Variants in INF2 observed in about 807,000 individuals in gnomAD.
INF2 encodes the protein inverted formin 2, also known as inverted formin-2.
A neutral mutation model predicts 123.5 loss-of-function variants in INF2; 43 were observed. The observed-to-expected ratio is 0.35, with a 90% CI of 0.27 to 0.45. INF2 has a LOEUF of 0.45. Ranked by LOEUF, INF2 falls within the 20% of genes least tolerant of loss-of-function variation. INF2 has a pLI of 1.00. For synonymous variants in INF2, 851 were observed against 745.0 expected, an observed-to-expected ratio of 1.14 and a Z score of -2.32; for missense variants, 1,453 against 1,682.7, an observed-to-expected ratio of 0.86 and a Z score of 2.39.
chr14:104,687,588 T>C (rs1255949326), upstream of INF2, among the ~76,000 whole-genome samples: 1 of 151,990 alleles, frequency 6.6e-6, no homozygotes, highest in African/African-American at 2.4e-5. This position sits in a 1 kb window ranked among gnomAD's most constrained non-coding sequence, Gnocchi z 5.6. Context: ...TAAATCACAT[T>C]CACCCCACCT....
At chr14:104,715,868 A>G (rs1319373013) in intron 22 of INF2, 1 of 457,574 alleles carries the variant, frequency 2.2e-6, no homozygotes, top group Admixed American at 2.3e-5. Flanking sequence ...TCGCAAGGGC[A>G]GATGCTGCCA....
At position 104,708,531 on chromosome 14, in the gene INF2, G is replaced by A; in HGVS notation, c.1831G>A (p.Ala611Thr). ...CGAGCGACTATTCTCCTTCCCTGCA[G>A]CCAAGCCCAAGGAGCCCACCATGGT... ...SIERLFSFPA[A>T]KPKEPTMVAP... Residue 611 changes from alanine (A) to threonine (T), a missense_variant, in exon 9 of 23, where the codon GCC (alanine) becomes ACC (threonine). By Grantham distance (58) the Ala-to-Thr change is moderately conservative (BLOSUM62 0). Transcript: ENST00000392634. 1 of 1,612,392 alleles carries A rather than the reference G, an allele frequency of 6.2e-7. No individual in the cohort carries two copies. Among genetic ancestry groups the A allele is most frequent in the Non-Finnish European group, 8.5e-7 (1 of 1,179,792 alleles).
rs370680236 is a variant in INF2 at position 104,706,951 on chromosome 14, G to A, written c.885G>A (p.Leu295=). ...TGTCTGCCCAGCTCCTGTCGGTGCT[G>A]CAGGGCCTCCTGCACCTGGAGCCCA... ...SPVSAQLLSV[L]QGLLHLEPTL... The change falls in exon 7 of 23, where the codon CTG becomes CTA. Residue 295 remains leucine (L), a synonymous_variant. Coordinates refer to ENST00000392634, the MANE Select transcript of INF2 (RefSeq NM_022489.4). The A allele has an allele frequency of 9.9e-5, 159 of 1,602,964 alleles. No homozygotes were observed. The highest frequency in any genetic ancestry group is 1.3e-4 in the Non-Finnish European group (153 of 1,179,308).
chr14:104,683,650 T>C (rs1280914470), intron 1 of INF2, among the ~76,000 whole-genome samples: 1 of 124,132 alleles, frequency 8.1e-6, no homozygotes. Flanking sequence ...ACACACAAAT[T>C]ACCTCCGGAG....
chr14:104,712,641 A>G, intron 17 of INF2, 88 bp downstream of exon 17: 6 of 1,590,312 alleles, frequency 3.8e-6, no homozygotes, highest in Non-Finnish European at 5.2e-6. Flanking sequence ...TCCTGGCTCC[A>G]GGGTGGATCC....
In INF2 at chr14:104,720,147, C is replaced by T. The variant is rs1890495349; in HGVS notation, c.*1354C>T. The T allele has an allele frequency of 6.5e-6, 1 of 154,894 alleles. No individual in the cohort carries two copies. The highest frequency in any genetic ancestry group is 1.4e-5 in the Non-Finnish European group (1 of 69,852). 9.6% of individuals were successfully genotyped at this position (154,894 alleles called of 1,614,324 possible). On this transcript the variant is annotated 3_prime_UTR_variant, in exon 23 of 23. Transcript: ENST00000392634. ...TCCAGATGTCATGCATGTCTCCTGGCTTCCTTCGGCTGTTTTCACGCGCCA... is the reference window on the plus strand; with the variant it reads ...TCCAGATGTCATGCATGTCTCCTGGTTTCCTTCGGCTGTTTTCACGCGCCA...
chr14:104,716,714 G>A (rs948415403), intron 22 of INF2, among the ~76,000 whole-genome samples: 12 of 151,954 alleles, frequency 7.9e-5, no homozygotes, highest in Non-Finnish European at 1.2e-4. Flanking sequence ...TTTTCAAGAC[G>A]GAGTCTCACT....
At chr14:104,693,904 C>T (rs1889068319) in intron 1 of INF2, among the ~76,000 whole-genome samples, 1 of 152,232 alleles carries the variant, frequency 6.6e-6, no homozygotes, top group Non-Finnish European at 1.5e-5. Context: ...CGCCTGCACC[C>T]AGCCTACGCT....
exon 1 of INF2, chr14:104,681,229 T>G: frequency 3.0e-6 from 1 of 335,252 alleles, no homozygotes; most frequent in Non-Finnish European, 5.9e-6. Context: ...AAAGCAGGGG[T>G]AGGGAAGGGC....
At chr14:104,686,162 AGATG>A (rs1368482853), upstream of INF2, among the ~76,000 whole-genome samples, 1 of 137,028 alleles carries the variant, frequency 7.3e-6, no homozygotes, top group Non-Finnish European at 1.6e-5. Flanking sequence ...AGGGATGGGC[AGATG>A]GATGGATGAG....
chr14:104,710,642 C>T lies in INF2; in HGVS notation c.2240-295C>T, dbSNP rs537156750. On this transcript the variant is annotated intron_variant, in intron 13 of 22. Coordinates refer to ENST00000392634, the MANE Select transcript of INF2 (RefSeq NM_022489.4). ...AGACATAAGTGCACACACACGGGCA[C>T]CATCTCTGAAAGGGGAATCCATGGG... 5.5e-6 allele frequency: 3 copies of T among 543,574 alleles called. No individual in the cohort carries two copies. In the African/African-American group the frequency reaches 5.7e-5, roughly 10 times the overall value. The allele number at this position is 543,574 out of a possible 1,614,324, so 33.7% of individuals were successfully genotyped here.
intron 10 of INF2, among the ~76,000 whole-genome samples, chr14:104,708,962 T>C (rs1346817975): frequency 2.6e-5 from 4 of 152,174 alleles, no homozygotes; most frequent in African/African-American, 9.7e-5. Flanking sequence ...AGACAAGTAG[T>C]GGCTAAACCA....
chr14:104,718,849 G>T lies in INF2; in HGVS notation c.*56G>T. ...GAGAGCCCAGGCCACAGGACATGCT[G>T]CCATTCTGCCAAGAGAGGCTCTTCT... On this transcript the variant is annotated 3_prime_UTR_variant, in exon 23 of 23. Transcript: ENST00000392634. 6.2e-7 allele frequency: 1 copy of T among 1,609,486 alleles called. No homozygotes were observed. Among genetic ancestry groups the T allele is most frequent in the Non-Finnish European group, 8.5e-7 (1 of 1,178,624 alleles).
chr14:104,702,639 G>A (rs1889583151), intron 2 of INF2, among the ~76,000 whole-genome samples: 1 of 152,226 alleles, frequency 6.6e-6, no homozygotes, highest in Non-Finnish European at 1.5e-5. Context: ...CAGGTGTAGG[G>A]GCCAGCCATT....
chr14:104,714,844 A>G lies in INF2; in HGVS notation c.3682A>G (p.Arg1228Gly), dbSNP rs1350971268. 5.1e-6 allele frequency: 8 copies of G among 1,578,122 alleles called. No homozygotes were observed. The East Asian group carries it at 9.1e-5, about 18-fold the overall frequency. Residue 1228 changes from arginine to glycine, a missense_variant, in exon 21 of 23, where the codon AGG (arginine) becomes GGG (glycine). Coordinates refer to ENST00000392634, the MANE Select transcript of INF2 (RefSeq NM_022489.4). ...GAAGCGAAGGAAGAAGCGTCCCTCCAGGAGCCAGGAAGGTAACTCAGGGAG... is the reference window on the plus strand; with the variant it reads ...GAAGCGAAGGAAGAAGCGTCCCTCCGGGAGCCAGGAAGGTAACTCAGGGAG... The part of the protein sequence containing the change: ...TGKRRKKRPS[R>G]SQEEVPPDSD...
chr14:104,713,039 C>T (rs748868770), intron 18 of INF2, 47 bp downstream of exon 18: 52 of 1,610,202 alleles, frequency 3.2e-5, no homozygotes, highest in Non-Finnish European at 4.2e-5. Flanking sequence ...GAGTGGGGTC[C>T]CGAGGCCCCT....
intron 15 of INF2, 151 bp from the exon 16 acceptor site, chr14:104,711,478 C>G (rs1890045244): frequency 2.6e-6 from 2 of 756,298 alleles, no homozygotes; most frequent in South Asian, 3.0e-5. Flanking sequence ...AAAGTCATAG[C>G]CAGGCCCAAG....
intron 1 of INF2, among the ~76,000 whole-genome samples, chr14:104,698,752 G>T (rs1234752206): frequency 6.6e-6 from 1 of 151,668 alleles, no homozygotes; most frequent in African/African-American, 2.4e-5. Flanking sequence ...GGGTGAGATC[G>T]GGCAGCCTTG....
chr14:104,693,452 G>C (rs879371438), intron 1 of INF2, among the ~76,000 whole-genome samples: 1 of 152,232 alleles, frequency 6.6e-6, no homozygotes, highest in Non-Finnish European at 1.5e-5. Context: ...ACGAGGGCTA[G>C]TGTCAAAGCC....
Sources: allele counts gnomAD v4.1 joint callset (sites outside exome capture counted in the v4.1 genomes callset), GRCh38; gene constraint gnomAD v4.1.1; non-coding constraint Gnocchi (gnomAD v3.1); transcripts MANE v1.5; gene names NCBI Gene and HGNC (gene_info 2026-07-23, HGNC 2026-07-21).